The following C1orf159 variants were observed in gnomAD, a reference collection of about 807,000 sequenced individuals.
C1orf159 encodes the protein chromosome 1 open reading frame 159, also known as uncharacterized protein C1orf159.
C1orf159 carries 19 observed loss-of-function variants against 25.6 expected under a neutral mutation model. That is an observed-to-expected ratio of 0.74 (90% CI 0.52 to 1.09). The LOEUF (loss-of-function observed/expected upper bound fraction) is 1.09, where lower values mean the gene tolerates loss of function less well. C1orf159 is among the 50% of genes least tolerant of loss of function. The pLI is 0.00. For missense variants in C1orf159, 274 were observed against 290.6 expected (o/e 0.94, Z 0.42); for synonymous variants, 139 against 124.7 (o/e 1.12, Z -0.77).
Position 1,110,031 on chromosome 1 carries a change from T to A in C1orf159, c.-136+6029A>T, listed in dbSNP as rs987668712. ...TGTCTCAGGCCAGTGCCTGCTTAAC[T>A]GCTAGAGGAAAAGAAAACCCAAGCC... On this transcript the variant is annotated intron_variant, in intron 1 of 9. Transcript: ENST00000421241. This position sits in a 1 kb window ranked among gnomAD's most constrained non-coding sequence, Gnocchi z 4.8. Among the ~76,000 whole-genome samples the A allele has an allele frequency of 6.6e-6, 1 of 152,242 alleles. No individual in the cohort carries two copies. The highest frequency in any genetic ancestry group is 2.4e-5 in the African/African-American group (1 of 41,456).
intron 1 of C1orf159, among the ~76,000 whole-genome samples, chr1:1,114,561 G>A (rs113004690): frequency 6.6e-6 from 1 of 152,204 alleles, no homozygotes; most frequent in African/African-American, 2.4e-5. Context: ...TGAGGTGACT[G>A]CGTGTGGAAA....
At chr1:1,091,287 A>G in intron 3 of C1orf159, 185 bp downstream of exon 3, 2 of 703,066 alleles carry the variant, frequency 2.8e-6, no homozygotes, top group South Asian at 3.5e-5. Context: ...CCCAGCAGGC[A>G]GCGGAGGGCT....
intron 1 of C1orf159, among the ~76,000 whole-genome samples, chr1:1,102,969 C>T (rs1388067107): frequency 6.6e-6 from 1 of 151,708 alleles, no homozygotes; most frequent in Non-Finnish European, 1.5e-5. Flanking sequence ...GCTGGGATTA[C>T]AGGCGACCAC....
rs1186592829 is a variant in C1orf159 at position 1,089,963 on chromosome 1, C to G, written c.148+390G>C. ...GCATTCCACTCCACGCACCAGGGGC[C>G]AGCAGCACCTCTGCCCGAGCACGGA... On this transcript the variant is annotated intron_variant, in intron 4 of 9. Transcript: ENST00000421241. This position sits in a 1 kb window ranked among gnomAD's most constrained non-coding sequence, Gnocchi z 7.5. Among the ~76,000 whole-genome samples, 1 of 152,246 alleles carries G rather than the reference C, an allele frequency of 6.6e-6. No homozygotes were observed. Among genetic ancestry groups the G allele is most frequent in the Non-Finnish European group, 1.5e-5 (1 of 68,036 alleles).
intron 9 of C1orf159, chr1:1,083,782 C>G: frequency 1.2e-6 from 1 of 818,802 alleles, no homozygotes; most frequent in Non-Finnish European, 1.9e-6. Context: ...GGCACGGTCA[C>G]CTGCCCCCAT....
At chr1:1,086,369 T>C (rs1645830975) in intron 6 of C1orf159, among the ~76,000 whole-genome samples, 1 of 152,190 alleles carries the variant, frequency 6.6e-6, no homozygotes, top group South Asian at 2.1e-4. Context: ...CCTTGTTCCT[T>C]CCTCCGGGCT....
At chr1:1,090,515 G>C (rs1645911778) in intron 3 of C1orf159, 87 bp from the exon 4 acceptor site, 1 of 1,349,266 alleles carries the variant, frequency 7.4e-7, no homozygotes, top group Non-Finnish European at 1.0e-6. Flanking sequence ...GGTGCCGTGG[G>C]AGCACATCTC....
chr1:1,099,858 GGA>G (rs1300496657), intron 1 of C1orf159, among the ~76,000 whole-genome samples: 1 of 150,266 alleles, frequency 6.7e-6, no homozygotes, highest in Non-Finnish European at 1.5e-5. Context: ...TCTAAGAATT[GGA>G]GAGAGAGAGG....
chr1:1,089,778 C>A lies in C1orf159; in HGVS notation c.148+575G>T, dbSNP rs1645896814. The stretch of plus-strand genomic sequence containing the variant: ...GCACCTTCTCACTCTGTCCTCCCCT[C>A]CCCTGGCTGCTCCCACTGGCTGCCC... On this transcript the variant is annotated intron_variant, in intron 4 of 9. Coordinates refer to ENST00000421241, the MANE Select transcript of C1orf159 (RefSeq NM_017891.5). This position sits in a 1 kb window ranked among gnomAD's most constrained non-coding sequence, Gnocchi z 7.5. Among the ~76,000 whole-genome samples the A allele has an allele frequency of 6.6e-6, 1 of 152,194 alleles. No individual in the cohort carries two copies. The highest frequency in any genetic ancestry group is 6.5e-5 in the Admixed American group (1 of 15,290).
chr1:1,084,324 C>T (rs748516197), intron 9 of C1orf159, 29 bp downstream of exon 9: 3 of 1,533,938 alleles, frequency 2.0e-6, no homozygotes, highest in Non-Finnish European at 2.6e-6. Context: ...ATGGGAAACC[C>T]CACAGGGGGA....
intron 2 of C1orf159, 92 bp from the exon 3 acceptor site, chr1:1,091,657 TG>T (rs1213497248): frequency 3.6e-5 from 14 of 383,916 alleles, no homozygotes; most frequent in Admixed American, 1.5e-4. Context: ...CAAGAGATGT[TG>T]GGGGGGTGCG....
intron 4 of C1orf159, 24 bp downstream of exon 4, chr1:1,090,329 T>C: frequency 6.5e-7 from 1 of 1,550,252 alleles, no homozygotes; most frequent in Non-Finnish European, 8.7e-7. Flanking sequence ...CGGTCTGGAA[T>C]CTGCTTGGGA....
intron 1 of C1orf159, among the ~76,000 whole-genome samples, chr1:1,112,174 G>A (rs1646266592): frequency 6.6e-6 from 1 of 152,200 alleles, no homozygotes; most frequent in Non-Finnish European, 1.5e-5. Context: ...CAGCGCCAGG[G>A]AAAGACAGGC....
At chr1:1,109,463 T>C (rs1433850863) in intron 1 of C1orf159, among the ~76,000 whole-genome samples, 1 of 152,068 alleles carries the variant, frequency 6.6e-6, no homozygotes, top group Non-Finnish European at 1.5e-5. Context: ...TTTCCTCCTT[T>C]TTAAAATTTC....
intron 1 of C1orf159, among the ~76,000 whole-genome samples, chr1:1,115,321 G>C (rs72892220): frequency 0.087 from 13,296 of 152,208 alleles, 1,276 homozygotes; most frequent in African/African-American, 0.24. Flanking sequence ...GGCTACTCCA[G>C]GTGACAAACG....
At chr1:1,083,680 G>C (rs762395081) in intron 9 of C1orf159, 1 of 566,642 alleles carries the variant, frequency 1.8e-6, no homozygotes, top group African/African-American at 1.9e-5. Context: ...CGGGGCACTC[G>C]GGCACCGTGG....
At chr1:1,084,306 G>A in intron 9 of C1orf159, 47 bp downstream of exon 9, 1 of 1,525,888 alleles carries the variant, frequency 6.6e-7, no homozygotes, top group Non-Finnish European at 8.8e-7. Flanking sequence ...CCTGGGACTG[G>A]CCCAGAGATG....
intron 1 of C1orf159, among the ~76,000 whole-genome samples, chr1:1,093,873 G>A (rs1307661343): frequency 1.3e-5 from 2 of 152,234 alleles, no homozygotes; most frequent in African/African-American, 4.8e-5. Context: ...GTCTTCCACA[G>A]TGGCTGTGCT....
chr1:1,091,394 A>G (rs1645931589), intron 3 of C1orf159, 78 bp downstream of exon 3: 1 of 1,315,076 alleles, frequency 7.6e-7, no homozygotes, highest in African/African-American at 1.5e-5. Context: ...GAAGGGTTAG[A>G]CCCTCTAGGG....
Sources: allele counts gnomAD v4.1 joint callset (sites outside exome capture counted in the v4.1 genomes callset), GRCh38; gene constraint gnomAD v4.1.1; non-coding constraint Gnocchi (gnomAD v3.1); transcripts MANE v1.5; gene names NCBI Gene and HGNC (gene_info 2026-07-23, HGNC 2026-07-21).